Variants in VSNL1 observed in about 807,000 individuals in gnomAD.
The protein encoded by VSNL1 is visinin-like protein 1.
In VSNL1, 6 loss-of-function variants were observed where a neutral mutation model predicts 20.4. The ratio of observed to expected loss-of-function variants is 0.29; its 90% CI spans 0.16 to 0.58. VSNL1 has a LOEUF of 0.58. VSNL1 is among the 20% of genes least tolerant of loss of function. VSNL1 has a pLI of 0.90. For synonymous variants in VSNL1, 93 were observed against 86.4 expected, an observed-to-expected ratio of 1.08 and a Z score of -0.42; for missense variants, 100 against 234.5, an observed-to-expected ratio of 0.43 and a Z score of 3.75.
At chr2:17,610,216 A>G (rs1300989906) in intron 2 of VSNL1, among the ~76,000 whole-genome samples, 1 of 152,152 alleles carries the variant, frequency 6.6e-6, no homozygotes, top group Non-Finnish European at 1.5e-5. Flanking sequence ...CCATCCATGT[A>G]TTTGTTGAAC....
intron 2 of VSNL1, among the ~76,000 whole-genome samples, chr2:17,595,741 T>G (rs1664697414): frequency 6.6e-6 from 1 of 152,076 alleles, no homozygotes; most frequent in South Asian, 2.1e-4. Context: ...AGAGGAAATT[T>G]GGACACAGAG....
At chr2:17,627,231 C>T (rs1243523490) in intron 2 of VSNL1, among the ~76,000 whole-genome samples, 1 of 152,230 alleles carries the variant, frequency 6.6e-6, no homozygotes, top group East Asian at 1.9e-4. Flanking sequence ...GTCATTGCTT[C>T]TAGGGCTTAC....
At chr2:17,566,868 T>G (rs549696234) in intron 1 of VSNL1, among the ~76,000 whole-genome samples, 1 of 152,322 alleles carries the variant, frequency 6.6e-6, no homozygotes, top group African/African-American at 2.4e-5. Flanking sequence ...CACAGTTTTA[T>G]TGAATATATT....
intron 3 of VSNL1, among the ~76,000 whole-genome samples, chr2:17,654,265 T>C (rs756142284): frequency 2.0e-5 from 3 of 152,246 alleles, no homozygotes; most frequent in Non-Finnish European, 4.4e-5. Flanking sequence ...AAGAATTAAT[T>C]GTATACAGTT....
intron 1 of VSNL1, among the ~76,000 whole-genome samples, chr2:17,544,930 A>C (rs1471442715): frequency 1.3e-5 from 2 of 152,176 alleles, no homozygotes; most frequent in Non-Finnish European, 2.9e-5. Flanking sequence ...CTAATAGAAC[A>C]TATGAGCTGG....
At position 17,656,167 on chromosome 2, in the gene VSNL1, A is replaced by C. The variant is rs1042056874; in HGVS notation, c.*773A>C. 3 of 152,356 alleles carry C rather than the reference A, an allele frequency of 2.0e-5. No homozygotes were observed. Among genetic ancestry groups the C allele is most frequent in the African/African-American group, 7.2e-5 (3 of 41,462 alleles). 9.4% of individuals were successfully genotyped at this position (152,356 alleles called of 1,614,324 possible). A position where few individuals can be genotyped will look rare whatever the true frequency, so the allele number is the denominator to read the frequency against. On this transcript the variant is annotated 3_prime_UTR_variant, in exon 4 of 4. Transcript: ENST00000295156. Reference sequence around the variant, plus strand: ...TGTGGTGGCAATAAATGTCCCAAATAAATTTATAACAATTGATTTTCCCCC... The same window carrying C: ...TGTGGTGGCAATAAATGTCCCAAATCAATTTATAACAATTGATTTTCCCCC...
At chr2:17,598,486 C>G (rs144031981) in intron 2 of VSNL1, among the ~76,000 whole-genome samples, 1 of 152,310 alleles carries the variant, frequency 6.6e-6, no homozygotes, top group East Asian at 1.9e-4. Context: ...GTTGCTAGTT[C>G]ACTGGAATTA....
chr2:17,647,548 T>G (rs1013354754), intron 2 of VSNL1, among the ~76,000 whole-genome samples: 1 of 152,158 alleles, frequency 6.6e-6, no homozygotes, highest in African/African-American at 2.4e-5. Flanking sequence ...AGATTCAACA[T>G]TGTTTAGTTC....
At chr2:17,546,858 C>G (rs769710188) in intron 1 of VSNL1, among the ~76,000 whole-genome samples, 1 of 151,872 alleles carries the variant, frequency 6.6e-6, no homozygotes, top group Non-Finnish European at 1.5e-5. Context: ...TCCAGAAGTT[C>G]AAGAGTTTCT....
At chr2:17,637,384 G>C (rs1044913487) in intron 2 of VSNL1, among the ~76,000 whole-genome samples, 1 of 152,232 alleles carries the variant, frequency 6.6e-6, no homozygotes, top group Non-Finnish European at 1.5e-5. Flanking sequence ...CTCAGCCCCA[G>C]CTGGGCCCTT....
intron 1 of VSNL1, among the ~76,000 whole-genome samples, chr2:17,561,199 G>A (rs777705278): frequency 2.6e-5 from 4 of 152,150 alleles, no homozygotes; most frequent in Non-Finnish European, 5.9e-5. Flanking sequence ...AAAATGGGGT[G>A]AAGAATATGC....
At chr2:17,628,697 A>G (rs1665565657) in intron 2 of VSNL1, among the ~76,000 whole-genome samples, 1 of 152,316 alleles carries the variant, frequency 6.6e-6, no homozygotes, top group African/African-American at 2.4e-5. Context: ...CATCTGAGAT[A>G]TAAGGGAGGT....
intron 1 of VSNL1, among the ~76,000 whole-genome samples, chr2:17,548,777 A>G (rs1663456777): frequency 6.6e-6 from 1 of 152,206 alleles, no homozygotes; most frequent in South Asian, 2.1e-4. Context: ...AATAGGTAAC[A>G]TAACACATAT....
intron 2 of VSNL1, among the ~76,000 whole-genome samples, chr2:17,648,594 G>A (rs1246020192): frequency 3.3e-5 from 5 of 152,140 alleles, no homozygotes; most frequent in Admixed American, 3.3e-4. Flanking sequence ...TTGTATTTGG[G>A]GCTTTGCAGT....
chr2:17,645,401 A>T (rs1178936787), intron 2 of VSNL1, among the ~76,000 whole-genome samples: 1 of 152,202 alleles, frequency 6.6e-6, no homozygotes, highest in Non-Finnish European at 1.5e-5. Flanking sequence ...GAGGGGAGAG[A>T]TTCATGTGGG....
intron 1 of VSNL1, among the ~76,000 whole-genome samples, chr2:17,586,517 CTACTA>C (rs1484109259): frequency 6.6e-6 from 1 of 152,206 alleles, no homozygotes; most frequent in Non-Finnish European, 1.5e-5. Flanking sequence ...ATGTAGCTCT[CTACTA>C]TGAGTATTCA....
chr2:17,585,331 A>G (rs62132079), intron 1 of VSNL1, among the ~76,000 whole-genome samples: 11,944 of 151,988 alleles, frequency 0.079, 797 homozygotes, highest in African/African-American at 0.18. Flanking sequence ...TCTGGAGGAC[A>G]AAGAAGAGGG....
At chr2:17,574,369 A>G (rs1664156388) in intron 1 of VSNL1, among the ~76,000 whole-genome samples, 1 of 152,208 alleles carries the variant, frequency 6.6e-6, no homozygotes, top group Non-Finnish European at 1.5e-5. Context: ...GTTCTTTCAC[A>G]AAAGCTAAGC....
At chr2:17,635,165 G>A (rs1053659239) in intron 2 of VSNL1, among the ~76,000 whole-genome samples, 5 of 152,088 alleles carry the variant, frequency 3.3e-5, no homozygotes, top group East Asian at 1.9e-4. Context: ...AGAAGGGTCC[G>A]CCAGAGGGAC....
Sources: allele counts gnomAD v4.1 joint callset (sites outside exome capture counted in the v4.1 genomes callset), GRCh38; gene constraint gnomAD v4.1.1; transcripts MANE v1.5; gene names NCBI Gene and HGNC (gene_info 2026-07-23, HGNC 2026-07-21).